The following PKD1L3 variants were observed in gnomAD, a reference collection of about 807,000 sequenced individuals.
PKD1L3 encodes the protein polycystin-1-like protein 3.
Under a neutral mutation model 184.1 loss-of-function variants are expected in PKD1L3, and 239 were observed. The observed-to-expected ratio is 1.30, with a 90% CI of 1.17 to 1.45. PKD1L3 has a LOEUF of 1.45. Ranked by LOEUF, PKD1L3 falls within the 40% of genes most tolerant of loss-of-function variation. PKD1L3 has a pLI of 0.00. For missense variants in PKD1L3, 2,660 were observed against 2,067.2 expected (o/e 1.29, Z -5.56); for synonymous variants, 996 against 778.8 (o/e 1.28, Z -4.64).
chr16:71,964,554 T>C (rs1379401993), intron 15 of PKD1L3, among the ~76,000 whole-genome samples: 3 of 151,686 alleles, frequency 2.0e-5, no homozygotes, highest in Non-Finnish European at 2.9e-5. Flanking sequence ...ATAGCCAGGA[T>C]GGTCTCGATC....
At chr16:71,958,204 G>A (rs1050463529) in intron 16 of PKD1L3, among the ~76,000 whole-genome samples, 2 of 151,316 alleles carry the variant, frequency 1.3e-5, no homozygotes, top group African/African-American at 4.9e-5. Context: ...CGGCTAAAAC[G>A]GTGAAACCCC....
At position 71,950,031 on chromosome 16, in the gene PKD1L3, G is replaced by C. The variant is rs1292943396; in HGVS notation, c.3384-14C>G. The stretch of plus-strand genomic sequence containing the variant: ...CTGGTGACTTCCCTGAAGCACAAAA[G>C]TTGAGGGAATAATCTTGTATGCATC... On this transcript the variant is annotated splice_polypyrimidine_tract_variant and intron_variant, in intron 20 of 29. Coordinates refer to ENST00000620267, the MANE Select transcript of PKD1L3 (RefSeq NM_181536.2). 2.6e-6 allele frequency: 4 copies of C among 1,551,080 alleles called. No homozygotes were observed. Among genetic ancestry groups the C allele is most frequent in the African/African-American group, 2.7e-5 (2 of 72,936 alleles).
chr16:71,972,901 C>T (rs1405618718), intron 12 of PKD1L3, among the ~76,000 whole-genome samples: 1 of 152,176 alleles, frequency 6.6e-6, no homozygotes, highest in African/African-American at 2.4e-5. Flanking sequence ...GTGATAATTA[C>T]AAAAGTGACA....
At chr16:71,940,323 G>T (rs950351791) in intron 24 of PKD1L3, among the ~76,000 whole-genome samples, 8 of 152,160 alleles carry the variant, frequency 5.3e-5, no homozygotes, top group Middle Eastern at 3.4e-3. Flanking sequence ...GAAAGTTTAC[G>T]TGCTGCATGG....
intron 3 of PKD1L3, among the ~76,000 whole-genome samples, chr16:71,991,913 T>A (rs1278511466): frequency 6.6e-6 from 1 of 152,176 alleles, no homozygotes; most frequent in African/African-American, 2.4e-5. Flanking sequence ...ATTTAAACTA[T>A]CCTCCTTCCT....
intron 28 of PKD1L3, among the ~76,000 whole-genome samples, chr16:71,932,680 T>C (rs1170057558): frequency 2.0e-5 from 3 of 151,842 alleles, no homozygotes; most frequent in Admixed American, 6.6e-5. Context: ...GGTTTCACCA[T>C]GTTGGCCAGG....
chr16:71,968,957 C>T (rs2039605330), intron 13 of PKD1L3, among the ~76,000 whole-genome samples: 1 of 150,170 alleles, frequency 6.7e-6, no homozygotes, highest in African/African-American at 2.5e-5. Context: ...CAGAATCTCA[C>T]TCTGTCGGCC....
chr16:71,963,122 G>A (rs1028084922), intron 16 of PKD1L3, 83 bp downstream of exon 16: 12 of 1,308,958 alleles, frequency 9.2e-6, no homozygotes, highest in African/African-American at 4.5e-5. Flanking sequence ...ATGTTAATTT[G>A]CATTAAAAAC....
intron 15 of PKD1L3, among the ~76,000 whole-genome samples, chr16:71,963,890 A>C (rs8053891): frequency 0.28 from 42,576 of 152,090 alleles, 6,253 homozygotes; most frequent in South Asian, 0.41. Context: ...ATGAATAGAT[A>C]AGTATGTATC....
chr16:71,951,865 C>G, intron 18 of PKD1L3, 121 bp from the exon 19 acceptor site: 1 of 855,488 alleles, frequency 1.2e-6, no homozygotes, highest in Admixed American at 3.1e-5. Context: ...CACAAAGAAC[C>G]TCAATTTTTC....
chr16:71,943,882 T>C, intron 23 of PKD1L3, 148 bp downstream of exon 23: 1 of 966,072 alleles, frequency 1.0e-6, no homozygotes, highest in East Asian at 2.6e-5. Flanking sequence ...CCATCCCACC[T>C]GCTTTACTGG....
intron 18 of PKD1L3, 69 bp downstream of exon 18, chr16:71,952,825 C>T (rs1315073993): frequency 6.8e-7 from 1 of 1,468,506 alleles, no homozygotes; most frequent in Non-Finnish European, 9.2e-7. Context: ...GCAACAGAGC[C>T]AGACCCTATG....
chr16:71,983,554 T>G (rs1354702750), intron 6 of PKD1L3, among the ~76,000 whole-genome samples: 1 of 152,082 alleles, frequency 6.6e-6, no homozygotes, highest in Non-Finnish European at 1.5e-5. Context: ...CTGATCAATT[T>G]AATTCATAAC....
At chr16:71,972,474 A>C (rs1020417074) in intron 12 of PKD1L3, among the ~76,000 whole-genome samples, 53 of 152,124 alleles carry the variant, frequency 3.5e-4, no homozygotes, top group African/African-American at 1.2e-3. Flanking sequence ...GCTTGAGCTC[A>C]GAAGTTCAAG....
intron 15 of PKD1L3, among the ~76,000 whole-genome samples, chr16:71,965,472 G>A (rs1432576658): frequency 1.3e-5 from 2 of 151,922 alleles, no homozygotes; most frequent in South Asian, 2.1e-4. Flanking sequence ...TCTCTGAAGT[G>A]GCCATACCAT....
chr16:71,961,629 C>T (rs1181141130), intron 16 of PKD1L3, among the ~76,000 whole-genome samples: 1 of 152,016 alleles, frequency 6.6e-6, no homozygotes, highest in Non-Finnish European at 1.5e-5. Flanking sequence ...CCCTGCTGAC[C>T]TTGTGAGCGA....
intron 9 of PKD1L3, among the ~76,000 whole-genome samples, chr16:71,978,694 C>T (rs2040032529): frequency 1.3e-5 from 2 of 151,788 alleles, no homozygotes; most frequent in Admixed American, 1.3e-4. Context: ...TGCACACCAC[C>T]ATGCCTGGCT....
chr16:71,993,332 C>G lies in PKD1L3; in HGVS notation c.419G>C (p.Gly140Ala). 2 of 1,537,746 alleles carry G rather than the reference C, an allele frequency of 1.3e-6. No homozygotes were observed. Among genetic ancestry groups the G allele is most frequent in the Non-Finnish European group, 1.8e-6 (2 of 1,137,872 alleles). The change falls in exon 3 of 30, where the codon GGT becomes GCT. Residue 140 changes from glycine (G) to alanine (A), a missense_variant and splice_region_variant. Coordinates refer to ENST00000620267, the MANE Select transcript of PKD1L3 (RefSeq NM_181536.2). ...ATGGGCATCTCCGTCCAAAAAGTCA[C>G]CTATTTGAAAGCCAACACACAAGTT... ...LLKYYFICQT[G>A]DFLDGDAHYE...
chr16:71,988,617 C>T (rs755598382), intron 4 of PKD1L3, among the ~76,000 whole-genome samples: 5 of 152,178 alleles, frequency 3.3e-5, no homozygotes, highest in Non-Finnish European at 5.9e-5. Flanking sequence ...AGTCAAAAGC[C>T]TTTGTTGTCT....
Sources: allele counts gnomAD v4.1 joint callset (sites outside exome capture counted in the v4.1 genomes callset), GRCh38; gene constraint gnomAD v4.1.1; transcripts MANE v1.5; gene names NCBI Gene and HGNC (gene_info 2026-07-23, HGNC 2026-07-21).